PAPPA: variants seen among roughly 807,000 people sequenced by gnomAD.
PAPPA encodes pappalysin 1.
PAPPA carries 60 observed loss-of-function variants against 164.0 expected under a neutral mutation model. The observed-to-expected ratio is 0.37, with a 90% CI of 0.30 to 0.45. PAPPA has a LOEUF of 0.45. Among genes scored for constraint, PAPPA ranks in the 20% least tolerant of loss-of-function variants. PAPPA has a pLI of 1.00. For synonymous variants in PAPPA, 875 were observed against 814.1 expected (o/e 1.07, Z -1.27); for missense variants, 1,782 against 2,087.3 (o/e 0.85, Z 2.85).
intron 21 of PAPPA, among the ~76,000 whole-genome samples, chr9:116,386,331 C>A (rs1448846270): frequency 6.6e-6 from 1 of 152,146 alleles, no homozygotes; most frequent in African/African-American, 2.4e-5. Flanking sequence ...CTTGGACACC[C>A]CCAACTACTC....
chr9:116,155,943 ATTCACTTT>A (rs1843596257), intron 1 of PAPPA, among the ~76,000 whole-genome samples: 1 of 151,386 alleles, frequency 6.6e-6, no homozygotes, highest in African/African-American at 2.4e-5. Flanking sequence ...GACTGAACTC[ATTCACTTT>A]TAACTCGCAA....
At chr9:116,218,502 A>T (rs1844403415) in intron 4 of PAPPA, among the ~76,000 whole-genome samples, 2 of 152,156 alleles carry the variant, frequency 1.3e-5, no homozygotes, top group African/African-American at 4.8e-5. Flanking sequence ...AAAACAGTGC[A>T]TTGCCCTGTC....
chr9:116,261,160 TGATACG>T (rs1467278661), intron 7 of PAPPA, among the ~76,000 whole-genome samples: 1 of 152,230 alleles, frequency 6.6e-6, no homozygotes, highest in Non-Finnish European at 1.5e-5. Context: ...ATACAAAATA[TGATACG>T]TAGTGCGTAG....
chr9:116,299,047 G>C (rs957901047), intron 9 of PAPPA, among the ~76,000 whole-genome samples: 1 of 152,108 alleles, frequency 6.6e-6, no homozygotes, highest in African/African-American at 2.4e-5. Context: ...TCTGTGCTTG[G>C]GGCAGAGGGA....
At chr9:116,159,107 T>A (rs1294049023) in intron 1 of PAPPA, among the ~76,000 whole-genome samples, 1 of 152,244 alleles carries the variant, frequency 6.6e-6, no homozygotes, top group East Asian at 1.9e-4. Flanking sequence ...CAGATCTGTT[T>A]TTCTTTTCAC....
At chr9:116,216,357 A>G (rs1844371408) in intron 4 of PAPPA, among the ~76,000 whole-genome samples, 1 of 152,236 alleles carries the variant, frequency 6.6e-6, no homozygotes, top group Non-Finnish European at 1.5e-5. Context: ...CTGAACCTCC[A>G]TGCAGTGTGC....
At chr9:116,218,287 A>C (rs1239820047) in intron 4 of PAPPA, among the ~76,000 whole-genome samples, 2 of 152,188 alleles carry the variant, frequency 1.3e-5, no homozygotes, top group African/African-American at 4.8e-5. Flanking sequence ...CTGGATTCTC[A>C]AAGCCATGTA....
At position 116,187,328 on chromosome 9, in the gene PAPPA, T is replaced by C. The variant is rs773314711; in HGVS notation, c.590T>C (p.Val197Ala). 3.1e-6 allele frequency: 5 copies of C among 1,614,028 alleles called. No homozygotes were observed. The Admixed American group carries it at 8.3e-5, about 27-fold the overall frequency. ...AHRSYLPGQWVYLAATYDGQF... is the reference protein window; with the variant it reads ...AHRSYLPGQWAYLAATYDGQF... ...CGCAGCTACCTCCCAGGCCAGTGGG[T>C]ATACCTAGCTGCCACCTATGATGGG... The change falls in exon 2 of 22, where the codon GTA becomes GCA. Residue 197 changes from valine (V) to alanine (A), a missense_variant. Physicochemically the swap from Val to Ala is moderately conservative, Grantham distance 64. Coordinates refer to ENST00000328252, the MANE Select transcript of PAPPA (RefSeq NM_002581.5). This position sits in a 1 kb window ranked among gnomAD's most constrained non-coding sequence, Gnocchi z 4.2.
In PAPPA at chr9:116,273,195, C is replaced by G. The variant is rs554416737; in HGVS notation, c.2953+1779C>G. Among the ~76,000 whole-genome samples the G allele has an allele frequency of 3.9e-5, 6 of 152,242 alleles. No homozygotes were observed. The South Asian group carries it at 8.3e-4, about 21-fold the overall frequency. On this transcript the variant is annotated intron_variant, in intron 9 of 21. Transcript: ENST00000328252. ...GGTACCCTGAAAGAGATGCTTGAGC[C>G]TTGACATTCATCTGCTGTGTTGATT... is the stretch of plus-strand genomic sequence containing the variant.
chr9:116,394,754 T>C (rs1201564029), intron 21 of PAPPA, among the ~76,000 whole-genome samples: 1 of 152,128 alleles, frequency 6.6e-6, no homozygotes, highest in Non-Finnish European at 1.5e-5. Flanking sequence ...GAGGTGCTGC[T>C]TGGAAAAGGG....
chr9:116,348,206 T>C (rs1004529166), intron 15 of PAPPA, among the ~76,000 whole-genome samples: 6 of 151,816 alleles, frequency 4.0e-5, no homozygotes, highest in South Asian at 4.2e-4. Flanking sequence ...CTAGGACCAA[T>C]TGCCACTTCA....
intron 8 of PAPPA, among the ~76,000 whole-genome samples, chr9:116,267,669 C>T (rs1018419372): frequency 6.6e-6 from 1 of 151,474 alleles, no homozygotes; most frequent in Non-Finnish European, 1.5e-5. Flanking sequence ...GTCAGGAGAT[C>T]GAGACCATCC....
chr9:116,326,643 T>C (rs1845924372), intron 10 of PAPPA, among the ~76,000 whole-genome samples: 1 of 152,200 alleles, frequency 6.6e-6, no homozygotes, highest in African/African-American at 2.4e-5. Flanking sequence ...GGTACAGTAT[T>C]GTTCACTATA....
At chr9:116,276,264 T>C (rs1379957822) in intron 9 of PAPPA, among the ~76,000 whole-genome samples, 5 of 152,172 alleles carry the variant, frequency 3.3e-5, no homozygotes, top group African/African-American at 1.2e-4. Context: ...TCAGACAAAA[T>C]GTGAAGGGTC....
At position 116,399,679 on chromosome 9, in the gene PAPPA, C is replaced by A. The variant is rs1360220647; in HGVS notation, c.*3063C>A. ...TCCAAGCCACAATCTTAACTACCTA[C>A]CCAAAGGATTTGCATTACCCCCAGA... is the stretch of plus-strand genomic sequence containing the variant. On this transcript the variant is annotated 3_prime_UTR_variant, in exon 22 of 22. Transcript: ENST00000328252. The A allele has an allele frequency of 6.6e-6, 1 of 152,608 alleles. No individual in the cohort carries two copies. Among genetic ancestry groups the A allele is most frequent in the Admixed American group, 6.5e-5 (1 of 15,268 alleles). The allele number at this position is 152,608 out of a possible 1,614,324, so 9.5% of individuals were successfully genotyped here.
intron 10 of PAPPA, among the ~76,000 whole-genome samples, chr9:116,329,819 A>G (rs951518895): frequency 1.3e-5 from 2 of 152,144 alleles, no homozygotes; most frequent in Non-Finnish European, 1.5e-5. Flanking sequence ...CTATTTTTAT[A>G]TCATCCTTGT....
intron 5 of PAPPA, among the ~76,000 whole-genome samples, chr9:116,222,969 T>A (rs1844463571): frequency 6.6e-6 from 1 of 152,222 alleles, no homozygotes; most frequent in South Asian, 2.1e-4. Context: ...ACACAATCAT[T>A]ATATGTCAAT....
At position 116,362,690 on chromosome 9, in the gene PAPPA, C is replaced by T. The variant is rs144490263; in HGVS notation, c.4446C>T (p.Asn1482=). The part of the protein sequence containing the change: ...QEMQGQCSVP[N]ELNSNLKLQC... ...TGCAAGGCCAGTGCTCGGTTCCAAA[C>T]GAGCTCAACAGCAACCTCAAACTGC... The change falls in exon 18 of 22, where the codon AAC becomes AAT. Residue 1482 remains asparagine, a synonymous_variant. Transcript: ENST00000328252. The T allele has an allele frequency of 3.0e-5, 49 of 1,614,064 alleles. No homozygotes were observed. The highest frequency in any genetic ancestry group is 1.9e-4 in the African/African-American group (14 of 75,024).
chr9:116,204,734 T>C (rs1221353835), intron 2 of PAPPA, among the ~76,000 whole-genome samples: 6 of 152,284 alleles, frequency 3.9e-5, no homozygotes, highest in Non-Finnish European at 5.9e-5. Context: ...TTAAAGTACA[T>C]TTGACCAATT....
Sources: allele counts gnomAD v4.1 joint callset (sites outside exome capture counted in the v4.1 genomes callset), GRCh38; gene constraint gnomAD v4.1.1; non-coding constraint Gnocchi (gnomAD v3.1); transcripts MANE v1.5; gene names NCBI Gene and HGNC (gene_info 2026-07-23, HGNC 2026-07-21).